The following NRXN3 variants were observed in gnomAD, a reference collection of about 807,000 sequenced individuals.
NRXN3 encodes the protein neurexin 3.
In NRXN3, 32 loss-of-function variants were observed where a neutral mutation model predicts 137.6. The observed-to-expected ratio is 0.23, with a 90% CI of 0.18 to 0.31. The LOEUF is 0.31. Among genes scored for constraint, NRXN3 ranks in the 10% least tolerant of loss-of-function variants. NRXN3 has a pLI of 1.00. For synonymous variants in NRXN3, 798 were observed against 784.5 expected (o/e 1.02, Z -0.29); for missense variants, 1,574 against 2,062.5 (o/e 0.76, Z 4.59).
chr14:78,656,524 C>T (rs966368541), intron 6 of NRXN3, among the ~76,000 whole-genome samples: 4 of 152,058 alleles, frequency 2.6e-5, no homozygotes, highest in East Asian at 1.9e-4. Context: ...CTGGTAGCTG[C>T]GGTTAGGTAG....
At chr14:79,825,755 T>C (rs1416142270) in intron 20 of NRXN3, among the ~76,000 whole-genome samples, 2 of 152,222 alleles carry the variant, frequency 1.3e-5, no homozygotes, top group Non-Finnish European at 2.9e-5. Flanking sequence ...GAAGACATGA[T>C]CATAACTACT....
intron 4 of NRXN3, among the ~76,000 whole-genome samples, chr14:78,568,065 G>T (rs531772355): frequency 2.6e-5 from 4 of 152,278 alleles, no homozygotes; most frequent in African/African-American, 9.6e-5. Flanking sequence ...TTGAGGTATC[G>T]GGTAGAGGGG....
chr14:78,794,614 G>GTA (rs1467727352), intron 8 of NRXN3, among the ~76,000 whole-genome samples: 1 of 150,922 alleles, frequency 6.6e-6, no homozygotes, highest in African/African-American at 2.5e-5. Context: ...ATTTGTGTGT[G>GTA]TGTGTGTGTG....
intron 15 of NRXN3, among the ~76,000 whole-genome samples, chr14:79,175,997 G>A (rs2062300776): frequency 6.6e-6 from 1 of 152,126 alleles, no homozygotes; most frequent in Non-Finnish European, 1.5e-5. Context: ...GCTTCCTTTA[G>A]GAAGTTTATG....
chr14:79,366,290 C>A (rs2093890410), intron 15 of NRXN3, among the ~76,000 whole-genome samples: 1 of 152,284 alleles, frequency 6.6e-6, no homozygotes, highest in South Asian at 2.1e-4. Context: ...TTACCTCAAG[C>A]ATTTACTGTT....
At chr14:78,712,260 A>G (rs2152841429) in intron 7 of NRXN3, among the ~76,000 whole-genome samples, 1 of 152,342 alleles carries the variant, frequency 6.6e-6, no homozygotes, top group East Asian at 1.9e-4. Context: ...AAATAGTAAG[A>G]GATAGAGACC....
At chr14:79,120,688 C>G (rs1297916296) in intron 15 of NRXN3, among the ~76,000 whole-genome samples, 1 of 151,898 alleles carries the variant, frequency 6.6e-6, no homozygotes, top group South Asian at 2.1e-4. Context: ...TATTATTCAC[C>G]TTTTCTTCTT....
intron 15 of NRXN3, among the ~76,000 whole-genome samples, chr14:78,994,287 C>T (rs575296349): frequency 2.0e-4 from 31 of 152,234 alleles, no homozygotes; most frequent in African/African-American, 6.7e-4. Flanking sequence ...TGTTTCCTTC[C>T]GGTCTTCATT....
At chr14:79,236,985 G>A (rs552316531) in intron 15 of NRXN3, among the ~76,000 whole-genome samples, 31 of 151,724 alleles carry the variant, frequency 2.0e-4, no homozygotes, top group Non-Finnish European at 3.7e-4. Context: ...TTCTTCCTCC[G>A]TCATTTATTT....
chr14:78,696,625 G>C (rs543173380), intron 6 of NRXN3, among the ~76,000 whole-genome samples: 1 of 152,078 alleles, frequency 6.6e-6, no homozygotes, highest in South Asian at 2.1e-4. Flanking sequence ...GCTGCTTCTT[G>C]TGCCTCAGAT....
rs566507197 is a variant in NRXN3 at position 78,508,218 on chromosome 14, C to T, written c.758-136902C>T. The stretch of plus-strand genomic sequence containing the variant: ...GAAATTCTGCTGATTGACACTAATA[C>T]CGGTATTTACCAATCTTCTGTAACG... On this transcript the variant is annotated intron_variant, in intron 4 of 20. Transcript: ENST00000335750. 5.9e-5 allele frequency among the ~76,000 whole-genome samples: 9 copies of T among 152,232 alleles called. No homozygotes were observed. In the South Asian group the frequency reaches 8.3e-4, roughly 14 times the overall value.
At chr14:79,327,927 GCA>G (rs1299642385) in intron 15 of NRXN3, among the ~76,000 whole-genome samples, 1 of 152,104 alleles carries the variant, frequency 6.6e-6, no homozygotes. Flanking sequence ...AAGAACAGTG[GCA>G]CAGTTTGGTT....
chr14:78,992,651 G>A (rs2099521230), intron 15 of NRXN3, among the ~76,000 whole-genome samples: 1 of 152,128 alleles, frequency 6.6e-6, no homozygotes, highest in Non-Finnish European at 1.5e-5. Flanking sequence ...CCTCCTGCAT[G>A]CACCCACACA....
chr14:78,342,644 A>G (rs974740127), intron 4 of NRXN3, among the ~76,000 whole-genome samples: 4 of 152,180 alleles, frequency 2.6e-5, no homozygotes, highest in African/African-American at 9.7e-5. Context: ...GTCCAGTCAC[A>G]TAGCTAATAC....
At chr14:79,174,001 C>G (rs1272586396) in intron 15 of NRXN3, among the ~76,000 whole-genome samples, 1 of 152,178 alleles carries the variant, frequency 6.6e-6, no homozygotes, top group Non-Finnish European at 1.5e-5. Flanking sequence ...ATAAATGTGT[C>G]TATCCCAGTT....
At chr14:79,018,260 C>G (rs2099582720) in intron 15 of NRXN3, among the ~76,000 whole-genome samples, 1 of 23,160 alleles carries the variant, frequency 4.3e-5, no homozygotes, top group African/African-American at 1.6e-4. Context: ...AACTCTGTCT[C>G]AAAAAAAAAA....
intron 19 of NRXN3, among the ~76,000 whole-genome samples, chr14:79,711,125 C>CAAGT (rs1404277964): frequency 1.3e-4 from 20 of 152,096 alleles, no homozygotes; most frequent in Non-Finnish European, 4.4e-5. Flanking sequence ...AACCGTAAAG[C>CAAGT]AAGTTACAAT....
At chr14:79,577,843 C>T (rs1362309705) in intron 16 of NRXN3, among the ~76,000 whole-genome samples, 1 of 152,184 alleles carries the variant, frequency 6.6e-6, no homozygotes, top group African/African-American at 2.4e-5. Flanking sequence ...TAGTGCTTCT[C>T]TTACATCTGT....
intron 4 of NRXN3, among the ~76,000 whole-genome samples, chr14:78,480,929 T>A (rs1167434709): frequency 6.6e-6 from 1 of 152,156 alleles, no homozygotes; most frequent in East Asian, 1.9e-4. Context: ...CCCCTACCAG[T>A]CCATGTTCCA....
Sources: gnomAD v4.1 joint callset for allele counts (sites outside exome capture counted in the v4.1 genomes callset) on GRCh38, gnomAD v4.1.1 for gene constraint, MANE v1.5 for transcripts, NCBI Gene and HGNC (gene_info 2026-07-23, HGNC 2026-07-21) for gene names.